Variants in NDRG4 observed in about 807,000 individuals in gnomAD.
NDRG4 encodes the protein NDRG family member 4, also known as protein NDRG4.
A neutral mutation model predicts 55.8 loss-of-function variants in NDRG4; 38 were observed. The observed-to-expected ratio is 0.68, with a 90% confidence interval of 0.53 to 0.89. The LOEUF is 0.89. Ranked by LOEUF, NDRG4 falls within the 40% of genes least tolerant of loss-of-function variation. The pLI is 0.00. For synonymous variants in NDRG4, 190 were observed against 182.7 expected (o/e 1.04, Z -0.32); for missense variants, 455 against 468.6 (o/e 0.97, Z 0.27).
At chr16:58,465,767 C>T (rs941822965) in intron 1 of NDRG4, among the ~76,000 whole-genome samples, 2 of 152,154 alleles carry the variant, frequency 1.3e-5, no homozygotes, top group Non-Finnish European at 2.9e-5. Flanking sequence ...AGCAATAGCT[C>T]GTGACAGACT....
chr16:58,494,777 A>G (rs2036200057), intron 2 of NDRG4, among the ~76,000 whole-genome samples: 1 of 149,742 alleles, frequency 6.7e-6, no homozygotes, highest in Non-Finnish European at 1.5e-5. Context: ...GGATACAGTG[A>G]GCTGTGATTG....
chr16:58,508,688 C>T (rs1199217510), intron 10 of NDRG4, among the ~76,000 whole-genome samples: 3 of 152,210 alleles, frequency 2.0e-5, no homozygotes, highest in South Asian at 2.1e-4. Flanking sequence ...AGTCCCACCA[C>T]GGCAGCCCAG....
intron 2 of NDRG4, chr16:58,494,943 C>A (rs541934666): frequency 1.1e-5 from 18 of 1,613,220 alleles, no homozygotes; most frequent in East Asian, 8.9e-5. Flanking sequence ...CTTGCCACCC[C>A]CTCTGTTTGC....
intron 1 of NDRG4, among the ~76,000 whole-genome samples, chr16:58,472,615 G>A (rs956906586): frequency 6.6e-6 from 1 of 152,154 alleles, no homozygotes; most frequent in Admixed American, 6.5e-5. Flanking sequence ...GACAGAAACC[G>A]AACTCAGACT....
chr16:58,508,712 C>T (rs751015002), intron 10 of NDRG4, among the ~76,000 whole-genome samples: 4 of 152,204 alleles, frequency 2.6e-5, no homozygotes, highest in Non-Finnish European at 5.9e-5. Flanking sequence ...TCGCCTGACT[C>T]CCACTCCTAG....
intron 2 of NDRG4, among the ~76,000 whole-genome samples, chr16:58,491,258 A>G (rs1348082730): frequency 6.6e-6 from 1 of 152,042 alleles, no homozygotes; most frequent in East Asian, 1.9e-4. Context: ...CCTGGGAGAC[A>G]GAGTAAGACT....
intron 8 of NDRG4, 171 bp downstream of exon 8, chr16:58,507,186 C>T: frequency 3.3e-6 from 2 of 612,904 alleles, no homozygotes; most frequent in Admixed American, 5.1e-5. Context: ...CTGTGAGGGG[C>T]AGAGGGGAAC....
chr16:58,471,320 A>G (rs1291060059), intron 1 of NDRG4, among the ~76,000 whole-genome samples: 1 of 150,074 alleles, frequency 6.7e-6, no homozygotes, highest in African/African-American at 2.5e-5. Flanking sequence ...TTATTATAGC[A>G]GCCACAGGAA....
chr16:58,481,498 G>T (rs2034396705), intron 1 of NDRG4, among the ~76,000 whole-genome samples: 1 of 152,130 alleles, frequency 6.6e-6, no homozygotes, highest in African/African-American at 2.4e-5. Context: ...GGTGTGGTTG[G>T]TGAGGGCATA....
At chr16:58,503,689 T>C in intron 1 of NDRG4, 109 bp from the exon 2 acceptor site, 1 of 1,555,252 alleles carries the variant, frequency 6.4e-7, no homozygotes, top group African/African-American at 1.4e-5. Context: ...ATGCCCCAAG[T>C]AGGGGCTCTA....
intron 2 of NDRG4, chr16:58,494,941 C>CT: frequency 6.2e-7 from 1 of 1,613,090 alleles, no homozygotes; most frequent in Non-Finnish European, 8.5e-7. Context: ...AACTTGCCAC[C>CT]CCCTCTGTTT....
At chr16:58,476,660 C>G (rs997958146) in intron 1 of NDRG4, among the ~76,000 whole-genome samples, 2 of 152,076 alleles carry the variant, frequency 1.3e-5, no homozygotes, top group Non-Finnish European at 2.9e-5. Flanking sequence ...AAGGAAATCC[C>G]AGAGATAGTA....
In NDRG4 at chr16:58,503,918, G is replaced by C. The variant is rs1431800650; in HGVS notation, c.127+15G>C. ...GGGCCTCAACCGTAAGTGCAGCCCA[G>C]CCTCAGTCAGCCCTCCTCTGCCTCC... On this transcript the variant is annotated intron_variant, in intron 2 of 14. Transcript: ENST00000570248. 5.6e-6 allele frequency: 9 copies of C among 1,612,550 alleles called. No homozygotes were observed. Among genetic ancestry groups the C allele is most frequent in the Middle Eastern group, 1.6e-4 (1 of 6,078 alleles).
At chr16:58,492,744 G>A (rs1049937898) in intron 2 of NDRG4, among the ~76,000 whole-genome samples, 3 of 152,058 alleles carry the variant, frequency 2.0e-5, no homozygotes, top group African/African-American at 7.2e-5. Context: ...CAAAACTGCC[G>A]CCTCTGTCCT....
chr16:58,492,854 T>A (rs2151720358), intron 2 of NDRG4, among the ~76,000 whole-genome samples: 1 of 152,196 alleles, frequency 6.6e-6, no homozygotes, highest in African/African-American at 2.4e-5. Flanking sequence ...AGATTCATGA[T>A]CAGCCCCAGG....
chr16:58,465,073 T>G (rs1597007353), intron 1 of NDRG4: 5 of 1,275,760 alleles, frequency 3.9e-6, no homozygotes, highest in South Asian at 2.5e-5. Flanking sequence ...GAAGAGGAGG[T>G]GGGAAAGGGA....
intron 14 of NDRG4, 175 bp from the exon 15 acceptor site, chr16:58,511,247 C>T (rs979471376): frequency 5.7e-5 from 40 of 701,732 alleles, no homozygotes; most frequent in Non-Finnish European, 8.9e-5. Flanking sequence ...CACTCACTGT[C>T]GCCGGCCCTG....
At chr16:58,476,529 T>TC (rs2033652774) in intron 1 of NDRG4, among the ~76,000 whole-genome samples, 1 of 152,042 alleles carries the variant, frequency 6.6e-6, no homozygotes. Flanking sequence ...ACCTTTTTTT[T>TC]CATACTTTAA....
chr16:58,464,881 G>T lies in NDRG4; in HGVS notation c.-24+1084G>T. On this transcript the variant is annotated intron_variant, in intron 1 of 15. Coordinates refer to the NDRG4 transcript ENST00000258187. This position sits in a 1 kb window ranked among gnomAD's most constrained non-coding sequence, Gnocchi z 4.8. Reference sequence around the variant, plus strand: ...GTGACAATCTGAGCCGTCTTTCTCTGGGGGAGAAGTTTCTTGCTGGGAGTG... The same window carrying T: ...GTGACAATCTGAGCCGTCTTTCTCTTGGGGAGAAGTTTCTTGCTGGGAGTG... The T allele has an allele frequency of 8.4e-7, 1 of 1,186,498 alleles. No homozygotes were observed. Among genetic ancestry groups the T allele is most frequent in the Non-Finnish European group, 1.1e-6 (1 of 945,236 alleles). The allele number at this position is 1,186,498 out of a possible 1,614,324, so 73.5% of individuals were successfully genotyped here.
Sources: gnomAD v4.1 joint callset for allele counts (sites outside exome capture counted in the v4.1 genomes callset) on GRCh38, gnomAD v4.1.1 for gene constraint, Gnocchi (gnomAD v3.1) non-coding constraint, MANE v1.5 for transcripts, NCBI Gene and HGNC (gene_info 2026-07-23, HGNC 2026-07-21) for gene names.